Variants in TNRC6C observed in about 807,000 individuals in gnomAD.
TNRC6C encodes trinucleotide repeat containing adaptor 6C, also known as trinucleotide repeat-containing gene 6C protein.
A neutral mutation model predicts 153.7 loss-of-function variants in TNRC6C; 20 were observed. The observed-to-expected ratio is 0.13, with a 90% confidence interval of 0.09 to 0.19. TNRC6C has a LOEUF of 0.19. Among genes scored for constraint, TNRC6C ranks in the 10% least tolerant of loss-of-function variants. TNRC6C has a pLI of 1.00. For missense variants in TNRC6C, 1,987 were observed against 2,172.0 expected (o/e 0.91, Z 1.69); for synonymous variants, 811 against 841.4 (o/e 0.96, Z 0.63).
In TNRC6C at chr17:78,075,258, C is replaced by T. The variant is rs754305823; in HGVS notation, c.3040C>T (p.Arg1014Cys). 4.4e-6 allele frequency: 7 copies of T among 1,597,712 alleles called. No homozygotes were observed. The highest frequency in any genetic ancestry group is 1.1e-5 in the South Asian group (1 of 88,380). ...AATCTCCAAAGAGTCTTCCGTGGAC[C>T]GCCCCACCTTTCTTGACAAGGTATG... The change falls in exon 8 of 20, where the codon CGC (arginine) becomes TGC (cysteine). Residue 1014 changes from arginine (R) to cysteine (C), a missense_variant. Physicochemically the swap from Arg to Cys is radical, Grantham distance 180. Transcript: ENST00000301624. This position sits in a 1 kb window ranked among gnomAD's most constrained non-coding sequence, Gnocchi z 4.2.
chr17:77,958,960 G>C (rs1670989663), upstream of TNRC6C, among the ~76,000 whole-genome samples: 1 of 146,186 alleles, frequency 6.8e-6, no homozygotes, highest in Admixed American at 6.8e-5. Flanking sequence ...CGCCGCCGCC[G>C]CCGCCGCCTA....
chr17:78,096,951 A>G (rs1294603294), intron 16 of TNRC6C, among the ~76,000 whole-genome samples: 1 of 152,228 alleles, frequency 6.6e-6, no homozygotes, highest in Non-Finnish European at 1.5e-5. Flanking sequence ...TTTCAGGCAC[A>G]GGGACAAGCT....
chr17:78,014,008 T>A (rs1171141469), intron 1 of TNRC6C, among the ~76,000 whole-genome samples: 1 of 152,234 alleles, frequency 6.6e-6, no homozygotes, highest in African/African-American at 2.4e-5. Context: ...AGCCTTGTCT[T>A]ACTAAATGTT....
exon 13 of TNRC6C, chr17:78,086,986 A>G (rs772640032): frequency 6.2e-7 from 1 of 1,613,776 alleles, no homozygotes; most frequent in African/African-American, 1.3e-5. Flanking sequence ...TCTGCAGGCA[A>G]ATCGGCCATG....
chr17:77,983,597 C>A (rs1460013541), intron 1 of TNRC6C, among the ~76,000 whole-genome samples: 1 of 152,110 alleles, frequency 6.6e-6, no homozygotes, highest in Non-Finnish European at 1.5e-5. Context: ...TGTTGAGAAC[C>A]CTGACTGGCT....
chr17:78,001,079 C>T (rs149065987), upstream of TNRC6C, among the ~76,000 whole-genome samples: 248 of 152,314 alleles, frequency 1.6e-3, 1 homozygote, highest in African/African-American at 5.5e-3. Context: ...CCCTTTCCTC[C>T]TCCTAGCTGC....
In TNRC6C at chr17:78,038,678, C is replaced by CAAA. The variant is rs751760738; in HGVS notation, c.-219+6854_-219+6856dup. Among the ~76,000 whole-genome samples the CAAA allele has an allele frequency of 4.4e-4, 27 of 61,238 alleles. No homozygotes were observed. In the South Asian group the frequency reaches 0.013, roughly 30 times the overall value. The allele number at this position is 61,238 out of a possible 152,430, so 40.2% of individuals were successfully genotyped here. A position where few individuals can be genotyped will look rare whatever the true frequency, so the allele number is the denominator to read the frequency against. On this transcript the variant is annotated intron_variant, in intron 2 of 19. Transcript: ENST00000301624. The stretch of plus-strand genomic sequence containing the variant: ...TGGGCGACAGAGCGAGACTCCGTGT[C>CAAA]AAAAAAAAAAAAAAAAAAAAGTATT...
rs200025310 is a variant in TNRC6C, at chr17:78,049,222, G to A, written c.160G>A (p.Val54Ile). 3.0e-5 allele frequency: 48 copies of A among 1,612,250 alleles called. No homozygotes were observed. The East Asian group carries it at 9.6e-4, about 32-fold the overall frequency. Residue 54 changes from valine (V) to isoleucine (I), a missense_variant, in exon 3 of 20, where the codon GTA becomes ATA. Coordinates refer to ENST00000301624, the Ensembl canonical transcript of TNRC6C. This position sits in a 1 kb window ranked among gnomAD's most constrained non-coding sequence, Gnocchi z 4.1. ...TGGAAGTGCGGCCAGAGTGTGGGGT[G>A]TAGCCACAGGCTCCAGCTCTGGCCT... is the stretch of plus-strand genomic sequence containing the variant.
At chr17:78,048,447 A>G (rs147871187) in intron 2 of TNRC6C, among the ~76,000 whole-genome samples, 42 of 152,302 alleles carry the variant, frequency 2.8e-4, no homozygotes, top group African/African-American at 9.9e-4. Flanking sequence ...AGAGAACTAC[A>G]AGTTTTATTC....
rs754636551 is a variant in TNRC6C at position 78,103,463 on chromosome 17, T to C, written c.4622T>C (p.Ile1541Thr). The C allele has an allele frequency of 5.6e-6, 9 of 1,614,044 alleles. No homozygotes were observed. The highest frequency in any genetic ancestry group is 3.3e-5 in the South Asian group (3 of 91,078). ...TTGTGTTTGCAACATGGGCCTCTTA[T>C]CACATTCCACCTGAATCTGACTCAA... The change falls in exon 19 of 20, where the codon ATC (isoleucine) becomes ACC (threonine). Residue 1541 changes from isoleucine to threonine, a missense_variant. Coordinates refer to ENST00000301624, the Ensembl canonical transcript of TNRC6C.
intron 1 of TNRC6C, among the ~76,000 whole-genome samples, chr17:77,976,955 A>AC (rs2071009175): frequency 2.0e-5 from 3 of 147,646 alleles, no homozygotes; most frequent in South Asian, 2.2e-4. Context: ...AAAAAAAAAA[A>AC]AAAAACTTGG....
chr17:78,077,503 T>TAA, intron 9 of TNRC6C, 169 bp downstream of exon 11: 1 of 839,428 alleles, frequency 1.2e-6, no homozygotes, highest in South Asian at 1.8e-5. Context: ...CTTACTGGAG[T>TAA]CAAGAGTTGA....
In TNRC6C at chr17:78,079,290, A is replaced by G; in HGVS notation, c.3211-105A>G. The G allele has an allele frequency of 6.6e-7, 1 of 1,508,206 alleles. No individual in the cohort carries two copies. The highest frequency in any genetic ancestry group is 9.0e-7 in the Non-Finnish European group (1 of 1,112,722). The allele number at this position is 1,508,206 out of a possible 1,614,324, so 93.4% of individuals were successfully genotyped here. A position where few individuals can be genotyped will look rare whatever the true frequency, so the allele number is the denominator to read the frequency against. On this transcript the variant is annotated intron_variant, in intron 9 of 19. Transcript: ENST00000301624. The surrounding 1 kb of genome is among the most constrained non-coding windows in gnomAD (Gnocchi z 4.3). ...GTACAAGTTGACAGTGGTAGGAAGT[A>G]GAAACAATTTTGCATTCACTTGAAA... is the stretch of plus-strand genomic sequence containing the variant.
intron 1 of TNRC6C, among the ~76,000 whole-genome samples, chr17:77,981,828 T>C (rs1198542074): frequency 6.6e-6 from 1 of 152,218 alleles, no homozygotes; most frequent in Non-Finnish European, 1.5e-5. Context: ...ATTGAGTAGC[T>C]GCTACAGAGA....
At position 78,067,869 on chromosome 17, in the gene TNRC6C, A is replaced by C. The variant is rs755521301; in HGVS notation, c.2724A>C (p.Glu908Asp). 35 of 1,613,734 alleles carry C rather than the reference A, an allele frequency of 2.2e-5. No homozygotes were observed. The highest frequency in any genetic ancestry group is 3.0e-5 in the Non-Finnish European group (35 of 1,179,836). The stretch of plus-strand genomic sequence containing the variant: ...TGTGGAATAATGCTGCTTCCCAAGA[A>C]AGCACCTCCTCCTGCAGCTCCTGGG... Residue 908 changes from glutamate (E) to aspartate (D), a missense_variant, in exon 5 of 20, where the codon GAA (glutamate) becomes GAC (aspartate). Around this residue, in one of 4 missense-constraint regions of TNRC6C, gnomAD observed 765 missense variants for 908.6 expected, o/e 0.84. Transcript: ENST00000301624.
chr17:78,044,352 G>C (rs2072363167), intron 2 of TNRC6C, among the ~76,000 whole-genome samples: 1 of 152,148 alleles, frequency 6.6e-6, no homozygotes, highest in South Asian at 2.1e-4. Context: ...GTATTGATAA[G>C]AATTATTCAT....
At position 78,104,875 on chromosome 17, in the gene TNRC6C, G is replaced by A. The variant is rs761567961; in HGVS notation, c.*30G>A. The A allele has an allele frequency of 7.9e-6, 11 of 1,389,338 alleles. No homozygotes were observed. Among genetic ancestry groups the A allele is most frequent in the Middle Eastern group, 2.7e-4 (1 of 3,744 alleles). The allele number at this position is 1,389,338 out of a possible 1,614,324, so 86.1% of individuals were successfully genotyped here. On this transcript the variant is annotated 3_prime_UTR_variant, in exon 20 of 20. Transcript: ENST00000301624. This position sits in a 1 kb window ranked among gnomAD's most constrained non-coding sequence, Gnocchi z 6.2. ...TGCCATCATCAGCACCAGGAGAGCC[G>A]ACCCCTCCCGGGACCCCTCCCGGCT...
At chr17:78,027,552 T>C (rs1288331964) in intron 1 of TNRC6C, among the ~76,000 whole-genome samples, 5 of 152,188 alleles carry the variant, frequency 3.3e-5, no homozygotes, top group Non-Finnish European at 7.3e-5. Context: ...CCCAATCTTA[T>C]GTTTTGGGCC....
At chr17:78,047,277 G>A (rs2072431406) in intron 2 of TNRC6C, among the ~76,000 whole-genome samples, 1 of 152,134 alleles carries the variant, frequency 6.6e-6, no homozygotes. Flanking sequence ...TAGAGTATGT[G>A]CAAAACCAAA....
Sources: gnomAD v4.1 joint callset for allele counts (sites outside exome capture counted in the v4.1 genomes callset) on GRCh38, gnomAD v4.1.1 for gene constraint, gnomAD v4.1.1 regional missense constraint, Gnocchi (gnomAD v3.1) non-coding constraint, MANE v1.5 for transcripts, NCBI Gene and HGNC (gene_info 2026-07-23, HGNC 2026-07-21) for gene names.